CHST11: variants seen among roughly 807,000 people sequenced by gnomAD.
The protein encoded by CHST11 is carbohydrate sulfotransferase 11, also known as C4S-1.
Under a neutral mutation model 30.4 loss-of-function variants are expected in CHST11, and 9 were observed. The observed-to-expected ratio is 0.30, with a 90% CI of 0.18 to 0.52. The LOEUF is 0.52. CHST11 is among the 20% of genes least tolerant of loss of function. The pLI, the probability that CHST11 is intolerant of heterozygous loss-of-function variation, is 0.97. For missense variants in CHST11, 348 were observed against 460.6 expected, an observed-to-expected ratio of 0.76 and a Z score of 2.24; for synonymous variants, 152 against 187.8, an observed-to-expected ratio of 0.81 and a Z score of 1.56.
chr12:104,690,784 C>T (rs1339139162), intron 2 of CHST11, among the ~76,000 whole-genome samples: 2 of 152,104 alleles, frequency 1.3e-5, no homozygotes, highest in South Asian at 4.1e-4. Context: ...GCCAGGATTG[C>T]ACCACTGCAC....
intron 1 of CHST11, among the ~76,000 whole-genome samples, chr12:104,513,130 G>GGT (rs1565969825): frequency 8.8e-6 from 1 of 113,660 alleles, no homozygotes; most frequent in Admixed American, 8.3e-5. Flanking sequence ...GACTGGGGGG[G>GGT]GGGGGGGTTG....
intron 1 of CHST11, among the ~76,000 whole-genome samples, chr12:104,593,865 C>T (rs75162580): frequency 0.26 from 39,639 of 151,948 alleles, 5,258 homozygotes; most frequent in African/African-American, 0.3. Context: ...CACAGCACCA[C>T]GACAGCATAT....
At chr12:104,514,860 G>A (rs1246899391) in intron 1 of CHST11, among the ~76,000 whole-genome samples, 2 of 152,166 alleles carry the variant, frequency 1.3e-5, no homozygotes, top group Non-Finnish European at 2.9e-5. Context: ...ATTTGGAGGG[G>A]ACAAATATCT....
At chr12:104,510,236 AC>A (rs2037951006) in intron 1 of CHST11, among the ~76,000 whole-genome samples, 1 of 151,638 alleles carries the variant, frequency 6.6e-6, no homozygotes, top group African/African-American at 2.4e-5. Flanking sequence ...TTTTTTTTAC[AC>A]CTCTATCTGT....
intron 1 of CHST11, among the ~76,000 whole-genome samples, chr12:104,546,140 C>A (rs1429415615): frequency 6.6e-6 from 1 of 150,718 alleles, no homozygotes; most frequent in Non-Finnish European, 1.5e-5. Context: ...ATTTTTTTTT[C>A]TTTTTATTTC....
chr12:104,722,155 A>AGTGTGTGTGTGTGTGTGTGTGTGTGT (rs57545833), intron 2 of CHST11, among the ~76,000 whole-genome samples: 44 of 137,590 alleles, frequency 3.2e-4, no homozygotes, highest in African/African-American at 1.1e-3. Flanking sequence ...CACTCAGCTA[A>AGTGTGTGTGTGTGTGTGTGTGTGTGT]GTGTGTGTGT....
chr12:104,573,413 G>A (rs1471496004), intron 1 of CHST11, among the ~76,000 whole-genome samples: 4 of 151,944 alleles, frequency 2.6e-5, no homozygotes, highest in African/African-American at 9.7e-5. Flanking sequence ...TCAATCCTAA[G>A]CCAAAAGAAC....
chr12:104,734,647 C>T (rs1021297172), intron 2 of CHST11, among the ~76,000 whole-genome samples: 2 of 152,158 alleles, frequency 1.3e-5, no homozygotes, highest in African/African-American at 2.4e-5. Context: ...GGGTTATTGC[C>T]CTGTAGTTCA....
chr12:104,559,756 TAAATA>T lies in CHST11; in HGVS notation c.119-42132_119-42128del, dbSNP rs544599012. ...GGAACTCCATCTCAAAAAAATAAAA[TAAATA>T]AAATAAAATAAAATAAACACATGCA... On this transcript the variant is annotated intron_variant, in intron 1 of 2. Transcript: ENST00000303694. 3.3e-5 allele frequency among the ~76,000 whole-genome samples: 5 copies of T among 151,816 alleles called. No individual in the cohort carries two copies. In the South Asian group the frequency reaches 8.3e-4, roughly 25 times the overall value.
At chr12:104,547,801 A>G (rs1226057028) in intron 1 of CHST11, among the ~76,000 whole-genome samples, 1 of 152,194 alleles carries the variant, frequency 6.6e-6, no homozygotes, top group Non-Finnish European at 1.5e-5. Context: ...TATCTCGTGA[A>G]TTTATTATGA....
chr12:104,583,721 C>CTTTTTTTTTTTTTTTTTT (rs1297368145), intron 1 of CHST11, among the ~76,000 whole-genome samples: 1 of 10,080 alleles, frequency 9.9e-5, no homozygotes, highest in African/African-American at 1.1e-4. Context: ...AGATCTCTCT[C>CTTTTTTTTTTTTTTTTTT]TTTTTTTTGA....
chr12:104,544,122 TG>T (rs2038312831), intron 1 of CHST11, among the ~76,000 whole-genome samples: 2 of 43,796 alleles, frequency 4.6e-5, no homozygotes, highest in Non-Finnish European at 4.2e-5. Flanking sequence ...AGACCCTGTC[TG>T]TTAAAAAAAA....
intron 1 of CHST11, among the ~76,000 whole-genome samples, chr12:104,507,321 G>T (rs117993601): frequency 1.4e-3 from 206 of 152,328 alleles, no homozygotes; most frequent in Non-Finnish European, 2.4e-3. Context: ...CCCCACCTGG[G>T]AGCCAGGCAG....
intron 1 of CHST11, among the ~76,000 whole-genome samples, chr12:104,539,236 C>CG (rs2038265967): frequency 6.6e-6 from 1 of 152,176 alleles, no homozygotes; most frequent in Non-Finnish European, 1.5e-5. Context: ...TTCCTGGTTC[C>CG]AGCACTTGCC....
intron 1 of CHST11, among the ~76,000 whole-genome samples, chr12:104,488,657 ATG>A (rs2037712977): frequency 1.0e-5 from 1 of 98,940 alleles, no homozygotes; most frequent in African/African-American, 3.7e-5. Context: ...GTGTGTGTGT[ATG>A]TGTGCGTGTA....
chr12:104,695,441 CAATG>C (rs1364775946), intron 2 of CHST11, among the ~76,000 whole-genome samples: 1 of 118,630 alleles, frequency 8.4e-6, no homozygotes, highest in Non-Finnish European at 1.8e-5. Flanking sequence ...ATTCACAACA[CAATG>C]AGTGTGTGTG....
intron 2 of CHST11, among the ~76,000 whole-genome samples, chr12:104,696,884 A>G (rs1420933478): frequency 6.6e-6 from 1 of 152,172 alleles, no homozygotes; most frequent in East Asian, 1.9e-4. Flanking sequence ...CATACTGAAT[A>G]TATTACTCTT....
intron 1 of CHST11, among the ~76,000 whole-genome samples, chr12:104,581,333 ACTAT>A (rs1162217199): frequency 3.9e-5 from 6 of 152,242 alleles, no homozygotes; most frequent in Admixed American, 1.3e-4. Context: ...AGATATTAGT[ACTAT>A]CTATGTTTAT....
At chr12:104,568,204 A>G (rs2038586867) in intron 1 of CHST11, among the ~76,000 whole-genome samples, 1 of 152,132 alleles carries the variant, frequency 6.6e-6, no homozygotes, top group Non-Finnish European at 1.5e-5. Flanking sequence ...GGCCTTGTGA[A>G]TGGCCTGGTG....
Sources: gnomAD v4.1 joint callset for allele counts (sites outside exome capture counted in the v4.1 genomes callset) on GRCh38, gnomAD v4.1.1 for gene constraint, MANE v1.5 for transcripts, NCBI Gene and HGNC (gene_info 2026-07-23, HGNC 2026-07-21) for gene names.